Variants in CES5A observed in about 807,000 individuals in gnomAD.
CES5A encodes carboxylesterase 5A.
Under a neutral mutation model 62.9 loss-of-function variants are expected in CES5A, and 67 were observed. The observed-to-expected ratio is 1.07, with a 90% CI of 0.88 to 1.31. CES5A has a LOEUF of 1.31. CES5A is among the 50% of genes most tolerant of loss of function. The pLI is 0.00. For missense variants in CES5A, 748 were observed against 708.5 expected (o/e 1.06, Z -0.63); for synonymous variants, 296 against 280.8 (o/e 1.05, Z -0.54).
intron 2 of CES5A, among the ~76,000 whole-genome samples, chr16:55,945,663 G>C (rs1304114561): frequency 6.6e-6 from 1 of 152,196 alleles, no homozygotes; most frequent in African/African-American, 2.4e-5. Context: ...CACATGTCTA[G>C]TTGTCAAAAT....
At chr16:55,893,548 A>G (rs2033902100) in intron 1 of CES5A, among the ~76,000 whole-genome samples, 2 of 152,216 alleles carry the variant, frequency 1.3e-5, no homozygotes, top group Non-Finnish European at 2.9e-5. Flanking sequence ...AAACCAAATA[A>G]AAATTCTAAA....
intron 1 of CES5A, among the ~76,000 whole-genome samples, chr16:55,900,090 A>AT (rs1555484586): frequency 6.6e-6 from 1 of 151,456 alleles, no homozygotes; most frequent in African/African-American, 2.4e-5. Context: ...CTGAATGCAG[A>AT]CCCCCCTTCA....
At position 55,846,270 on chromosome 16, in the gene CES5A, T is replaced by C. The variant is rs958394738; in HGVS notation, c.*181A>G. 8.8e-5 allele frequency: 53 copies of C among 602,110 alleles called. No individual in the cohort carries two copies. In the African/African-American group the frequency reaches 8.9e-4, roughly 10 times the overall value. The allele number at this position is 602,110 out of a possible 1,614,324, so 37.3% of individuals were successfully genotyped here. A position where few individuals can be genotyped will look rare whatever the true frequency, so the allele number is the denominator to read the frequency against. On this transcript the variant is annotated 3_prime_UTR_variant, in exon 13 of 13. Coordinates refer to ENST00000290567, the MANE Select transcript of CES5A (RefSeq NM_001143685.2). ...AATCTTGTTGCCTTCCAAGACAAAT[T>C]GCACTTTTTGATGTTGAAAAGAATT...
chr16:55,929,478 C>G (rs1172048903), upstream of CES5A, among the ~76,000 whole-genome samples: 3 of 152,208 alleles, frequency 2.0e-5, no homozygotes, highest in African/African-American at 7.2e-5. Flanking sequence ...CCATGACTCC[C>G]CACATCCACA....
At chr16:55,948,932 T>C (rs1452012906) in intron 2 of CES5A, among the ~76,000 whole-genome samples, 1 of 152,180 alleles carries the variant, frequency 6.6e-6, no homozygotes, top group South Asian at 2.1e-4. Context: ...TTGGGGACAG[T>C]TGCAGAAGGA....
intron 1 of CES5A, among the ~76,000 whole-genome samples, chr16:55,893,090 A>G (rs889596373): frequency 1.3e-5 from 2 of 152,172 alleles, no homozygotes; most frequent in East Asian, 1.9e-4. Context: ...CTGAGTAAGT[A>G]GTAGCACTGA....
intron 9 of CES5A, among the ~76,000 whole-genome samples, chr16:55,854,646 C>T (rs1367753941): frequency 1.4e-5 from 2 of 148,012 alleles, no homozygotes; most frequent in African/African-American, 5.0e-5. Flanking sequence ...AATCCTCCTG[C>T]TTGGCCTCCC....
intron 4 of CES5A, among the ~76,000 whole-genome samples, chr16:55,869,090 C>T (rs1401439978): frequency 6.6e-6 from 1 of 152,212 alleles, no homozygotes; most frequent in Non-Finnish European, 1.5e-5. Flanking sequence ...CCACCGACTG[C>T]TCACACAAAC....
At chr16:55,887,460 T>C (rs1208898280) in intron 1 of CES5A, among the ~76,000 whole-genome samples, 1 of 152,000 alleles carries the variant, frequency 6.6e-6, no homozygotes, top group Non-Finnish European at 1.5e-5. Context: ...GGTGCTTCTA[T>C]GTTCAGTTAA....
chr16:55,868,175 C>T (rs139705112), intron 4 of CES5A, among the ~76,000 whole-genome samples: 9 of 152,174 alleles, frequency 5.9e-5, no homozygotes, highest in East Asian at 1.9e-4. Context: ...AAACCAGATA[C>T]GATAAGCAAT....
chr16:55,918,949 G>A (rs2034174035), intron 1 of CES5A, among the ~76,000 whole-genome samples: 1 of 152,174 alleles, frequency 6.6e-6, no homozygotes, highest in South Asian at 2.1e-4. Context: ...TACCAGGGTG[G>A]GTCTTCAGAG....
intron 2 of CES5A, among the ~76,000 whole-genome samples, chr16:55,934,543 G>C (rs961899214): frequency 8.5e-5 from 13 of 152,196 alleles, no homozygotes; most frequent in Non-Finnish European, 1.8e-4. Flanking sequence ...ACCCATAGTA[G>C]ATTCTCAGTA....
intron 2 of CES5A, among the ~76,000 whole-genome samples, chr16:55,949,522 AAAG>A (rs1256037009): frequency 6.6e-6 from 1 of 152,238 alleles, no homozygotes; most frequent in Admixed American, 6.5e-5. Flanking sequence ...TGCCAGACAC[AAAG>A]AAGCAGGCTG....
At chr16:55,895,741 G>T (rs774801420) in intron 1 of CES5A, among the ~76,000 whole-genome samples, 2 of 152,208 alleles carry the variant, frequency 1.3e-5, no homozygotes, top group African/African-American at 4.8e-5. Flanking sequence ...CACGTGAGAA[G>T]AACATGAGTT....
chr16:55,895,015 C>A (rs553729401), intron 1 of CES5A, among the ~76,000 whole-genome samples: 12 of 152,168 alleles, frequency 7.9e-5, no homozygotes, highest in Admixed American at 3.9e-4. Context: ...ACGTGCTTGC[C>A]AAAAGTAGAG....
In CES5A at chr16:55,859,965, G is replaced by C. The variant is rs186897576; in HGVS notation, c.916-278C>G. ...TATCTACCAAGAAAAACAGTGGCCTGTTATATGGTTTGGCTGTGTCCCCAC... is the reference window on the plus strand; with the variant it reads ...TATCTACCAAGAAAAACAGTGGCCTCTTATATGGTTTGGCTGTGTCCCCAC... On this transcript the variant is annotated intron_variant, in intron 7 of 12. Coordinates refer to ENST00000290567, the MANE Select transcript of CES5A (RefSeq NM_001143685.2). Among the ~76,000 whole-genome samples, 191 of 152,282 alleles carry C rather than the reference G, an allele frequency of 1.3e-3. 5 individuals are homozygous for C. The South Asian group carries it at 0.027, about 21-fold the overall frequency.
chr16:55,916,719 C>T (rs1205811250), intron 1 of CES5A, among the ~76,000 whole-genome samples: 1 of 152,164 alleles, frequency 6.6e-6, no homozygotes, highest in Non-Finnish European at 1.5e-5. Flanking sequence ...GGAAAGTAAA[C>T]ACAGCTTTAG....
At chr16:55,898,825 C>T (rs1427259838) in intron 1 of CES5A, among the ~76,000 whole-genome samples, 2 of 152,132 alleles carry the variant, frequency 1.3e-5, no homozygotes, top group African/African-American at 4.8e-5. Flanking sequence ...CTGAGATCAT[C>T]ACAGGCATGG....
upstream of CES5A, among the ~76,000 whole-genome samples, chr16:55,929,962 C>T (rs1168230990): frequency 2.7e-5 from 4 of 150,770 alleles, no homozygotes; most frequent in Non-Finnish European, 5.9e-5. Context: ...GTGGCCCCCT[C>T]ACCACCTTCC....
Sources: gnomAD v4.1 joint callset for allele counts (sites outside exome capture counted in the v4.1 genomes callset) on GRCh38, gnomAD v4.1.1 for gene constraint, MANE v1.5 for transcripts, NCBI Gene and HGNC (gene_info 2026-07-23, HGNC 2026-07-21) for gene names.